The following ELF1 variants were observed in gnomAD, a reference collection of about 807,000 sequenced individuals.
The protein encoded by ELF1 is E74 like ETS transcription factor 1.
A neutral mutation model predicts 59.9 loss-of-function variants in ELF1; 24 were observed. The ratio of observed to expected loss-of-function variants is 0.40; its 90% CI spans 0.29 to 0.56. The LOEUF (loss-of-function observed/expected upper bound fraction) is 0.56. Ranked by LOEUF, ELF1 falls within the 20% of genes least tolerant of loss-of-function variation. The pLI, the probability that ELF1 is intolerant of heterozygous loss-of-function variation, is 0.44. For synonymous variants in ELF1, 248 were observed against 266.2 expected (o/e 0.93, Z 0.67); for missense variants, 627 against 742.2 (o/e 0.84, Z 1.80).
chr13:40,985,860 G>C (rs1380684285), intron 1 of ELF1, among the ~76,000 whole-genome samples: 2 of 152,156 alleles, frequency 1.3e-5, no homozygotes, highest in African/African-American at 4.8e-5. Flanking sequence ...GCACTCTGCT[G>C]TATTAATAGT....
upstream of ELF1, chr13:41,019,362 C>A: frequency 1.0e-6 from 1 of 985,290 alleles, no homozygotes; most frequent in Non-Finnish European, 1.2e-6. Context: ...TACATGAAAC[C>A]AAGTGTTTCT....
Position 41,009,132 on chromosome 13 carries a change from C to T in ELF1, c.-229+10096G>A, listed in dbSNP as rs958567371. Among the ~76,000 whole-genome samples the T allele has an allele frequency of 2.0e-4, 30 of 151,304 alleles. 1 individual carries two copies. Among genetic ancestry groups the T allele is most frequent in the African/African-American group, 6.6e-4 (27 of 41,202 alleles). On this transcript the variant is annotated intron_variant, in intron 1 of 8. Coordinates refer to ENST00000239882, the MANE Select transcript of ELF1 (RefSeq NM_172373.4). ...AATAATTATGTTAAAATGTAATGGG[C>T]GTATTATTTTTAAATAAATATATTA...
At chr13:40,989,564 AT>A (rs1873731805) in intron 1 of ELF1, among the ~76,000 whole-genome samples, 1 of 152,142 alleles carries the variant, frequency 6.6e-6, no homozygotes, top group African/African-American at 2.4e-5. Context: ...TAATTTTTTT[AT>A]TGTTGAATTC....
intron 1 of ELF1, among the ~76,000 whole-genome samples, chr13:41,024,513 G>A (rs1652519425): frequency 6.6e-6 from 1 of 151,970 alleles, no homozygotes; most frequent in African/African-American, 2.4e-5. Context: ...TGTATTTCTG[G>A]CTAATTTTGT....
At chr13:41,008,207 A>G (rs1387912296) in intron 1 of ELF1, among the ~76,000 whole-genome samples, 1 of 152,216 alleles carries the variant, frequency 6.6e-6, no homozygotes, top group African/African-American at 2.4e-5. Flanking sequence ...AAAAGCATTT[A>G]TGCTATTATT....
intron 2 of ELF1, among the ~76,000 whole-genome samples, chr13:40,967,082 C>G (rs1872220845): frequency 6.6e-6 from 1 of 152,168 alleles, no homozygotes. Flanking sequence ...GAGACAAATC[C>G]CTGTGCCCAG....
intron 1 of ELF1, among the ~76,000 whole-genome samples, chr13:41,049,034 C>T (rs1350969370): frequency 1.3e-5 from 2 of 152,294 alleles, no homozygotes; most frequent in East Asian, 1.9e-4. Flanking sequence ...ACTTTAAACA[C>T]TTCTTTGGCT....
intron 2 of ELF1, among the ~76,000 whole-genome samples, chr13:40,963,427 A>C (rs556246268): frequency 2.0e-5 from 3 of 152,202 alleles, no homozygotes; most frequent in Non-Finnish European, 4.4e-5. Context: ...ACTTCCCAGG[A>C]TCACTCCTAA....
chr13:40,967,317 T>A (rs1872239518), intron 2 of ELF1, among the ~76,000 whole-genome samples: 2 of 152,194 alleles, frequency 1.3e-5, no homozygotes, highest in African/African-American at 4.8e-5. Context: ...GGTTCTTATT[T>A]AAGGTAGGAC....
intron 1 of ELF1, among the ~76,000 whole-genome samples, chr13:41,047,219 T>G (rs778657204): frequency 6.6e-6 from 1 of 152,218 alleles, no homozygotes; most frequent in Non-Finnish European, 1.5e-5. Flanking sequence ...TGCCATGGGT[T>G]CAAACTTCCT....
At chr13:40,970,541 T>C (rs1228795674) in intron 2 of ELF1, among the ~76,000 whole-genome samples, 1 of 152,238 alleles carries the variant, frequency 6.6e-6, no homozygotes, top group Non-Finnish European at 1.5e-5. Flanking sequence ...TTACATTGTA[T>C]TCAAGACTAA....
Position 40,934,024 on chromosome 13 carries a change from T to C in ELF1, c.1261A>G (p.Ile421Val), listed in dbSNP as rs772503411. 1.2e-6 allele frequency: 2 copies of C among 1,612,502 alleles called. No homozygotes were observed. The highest frequency in any genetic ancestry group is 1.6e-4 in the Middle Eastern group (1 of 6,072). ...LNSSVQSIRTIQAPTQVPVVV... is the reference protein window; with the variant it reads ...LNSSVQSIRTVQAPTQVPVVV... ...ACTGGAACTTGGGTTGGAGCCTGTA[T>C]AGTCCTATTGAGATGATGAAATTAA... The change falls in exon 9 of 9, where the codon ATA becomes GTA. Residue 421 changes from isoleucine (I) to valine (V), a missense_variant. Coordinates refer to ENST00000239882, the MANE Select transcript of ELF1 (RefSeq NM_172373.4).
At chr13:41,031,171 GAAA>G (rs1162059978) in intron 1 of ELF1, among the ~76,000 whole-genome samples, 1 of 143,290 alleles carries the variant, frequency 7.0e-6, no homozygotes, top group Non-Finnish European at 1.5e-5. Context: ...AAAAAAAAAA[GAAA>G]GAAAGAAAGA....
intron 1 of ELF1, among the ~76,000 whole-genome samples, chr13:40,991,646 T>C (rs1873858912): frequency 6.6e-6 from 1 of 152,098 alleles, no homozygotes; most frequent in African/African-American, 2.4e-5. Flanking sequence ...TACCTTAATA[T>C]TGAAAAGTGT....
intron 1 of ELF1, among the ~76,000 whole-genome samples, chr13:41,017,589 C>A (rs544309324): frequency 6.6e-6 from 1 of 151,988 alleles, no homozygotes; most frequent in East Asian, 1.9e-4. Flanking sequence ...TTTTACCCCC[C>A]CTTCTCCCTT....
At chr13:40,945,178 T>TA (rs896077059) in intron 5 of ELF1, among the ~76,000 whole-genome samples, 1 of 151,916 alleles carries the variant, frequency 6.6e-6, no homozygotes, top group Non-Finnish European at 1.5e-5. Context: ...TATACCAGCT[T>TA]AAAAAAAATA....
chr13:40,995,697 T>A (rs576342503), intron 1 of ELF1, among the ~76,000 whole-genome samples: 1 of 149,582 alleles, frequency 6.7e-6, no homozygotes, highest in East Asian at 2.0e-4. Flanking sequence ...ACAGACCTTA[T>A]ACCCTTCCCA....
At chr13:40,993,248 A>C in intron 1 of ELF1, 1 of 1,579,316 alleles carries the variant, frequency 6.3e-7, no homozygotes, top group Non-Finnish European at 8.7e-7. Flanking sequence ...CAACAAAAGC[A>C]ACAGATGTTG....
chr13:41,007,206 A>G (rs1035228836), intron 1 of ELF1, among the ~76,000 whole-genome samples: 1 of 152,124 alleles, frequency 6.6e-6, no homozygotes, highest in Admixed American at 6.6e-5. Context: ...CCCTGTGTGG[A>G]GGTCTTAGCA....
Sources: gnomAD v4.1 joint callset for allele counts (sites outside exome capture counted in the v4.1 genomes callset) on GRCh38, gnomAD v4.1.1 for gene constraint, MANE v1.5 for transcripts, NCBI Gene and HGNC (gene_info 2026-07-23, HGNC 2026-07-21) for gene names.